Variants in PTGR2 observed in about 807,000 individuals in gnomAD.
PTGR2 encodes prostaglandin reductase 2.
In PTGR2, 32 loss-of-function variants were observed where a neutral mutation model predicts 43.4. The observed-to-expected ratio is 0.74, with a 90% confidence interval of 0.56 to 0.99. The LOEUF is 0.99. PTGR2 is among the 50% of genes least tolerant of loss of function. PTGR2 has a pLI of 0.00. For missense variants in PTGR2, 373 were observed against 420.0 expected (o/e 0.89, Z 0.98); for synonymous variants, 106 against 139.2 (o/e 0.76, Z 1.68).
chr14:73,870,022 G>A (rs1478952875), intron 3 of PTGR2, among the ~76,000 whole-genome samples: 4 of 129,664 alleles, frequency 3.1e-5, no homozygotes, highest in African/African-American at 5.5e-5. Flanking sequence ...CAGAGACTCC[G>A]TCTCAGAGAG....
At chr14:73,855,251 GTAC>G (rs2054318705) in intron 1 of PTGR2, among the ~76,000 whole-genome samples, 2 of 152,142 alleles carry the variant, frequency 1.3e-5, no homozygotes, top group African/African-American at 2.4e-5. Flanking sequence ...GGAATTGCCA[GTAC>G]TACTATTAGG....
In PTGR2 at chr14:73,884,126, A is replaced by C; in HGVS notation, c.1005A>C (p.Gly335=). The change falls in exon 10 of 10, where the codon GGA becomes GGC. Residue 335 remains glycine (G), a synonymous_variant. Transcript: ENST00000555661. The part of the protein sequence containing the change: ...MGAAFQSMMT[G]GNIGKQIVCI... Reference sequence around the variant, plus strand: ...CTGCATTCCAGTCCATGATGACAGGAGGTAACATTGGAAAGCAGATAGTTT... The same window carrying C: ...CTGCATTCCAGTCCATGATGACAGGCGGTAACATTGGAAAGCAGATAGTTT... The C allele has an allele frequency of 6.2e-7, 1 of 1,608,544 alleles. No individual in the cohort carries two copies. The highest frequency in any genetic ancestry group is 1.3e-5 in the African/African-American group (1 of 74,894).
rs756700132 is a variant in PTGR2 at position 73,877,019 on chromosome 14, G to T, written c.370G>T (p.Gly124Ter). 1 of 1,612,950 alleles carries T rather than the reference G, an allele frequency of 6.2e-7. No homozygotes were observed. Among genetic ancestry groups the T allele is most frequent in the South Asian group, 1.1e-5 (1 of 91,028 alleles). The change falls in exon 5 of 10, where the codon GGA (glycine) becomes TGA (stop). Residue 124 changes from glycine (G) to a stop codon, truncating the protein, a stop_gained. Transcript: ENST00000555661. LOFTEE classifies it high-confidence loss of function. The part of the protein sequence containing the change: ...LEKVDPQLVD[G>*]HLSYFLGAIG... ...TTAGGTAGACCCACAACTTGTGGAT[G>T]GACACCTTTCATATTTTCTTGGAGC... is the stretch of plus-strand genomic sequence containing the variant.
rs1335810178 is a variant in PTGR2, at chr14:73,877,175, T to C, written c.519+7T>C. The C allele has an allele frequency of 6.3e-7, 1 of 1,592,524 alleles. No individual in the cohort carries two copies. The highest frequency in any genetic ancestry group is 1.4e-5 in the African/African-American group (1 of 73,726). The stretch of plus-strand genomic sequence containing the variant: ...TGGATCTGTGGCTGGGCAGGTAAAC[T>C]TTCTGAGAATTATTTGATTTTCTGA... On this transcript the variant is annotated splice_region_variant and intron_variant, in intron 5 of 9. Transcript: ENST00000555661.
At chr14:73,860,423 C>T (rs1008836792) in intron 2 of PTGR2, 116 bp from the exon 3 acceptor site, 9 of 528,768 alleles carry the variant, frequency 1.7e-5, no homozygotes, top group African/African-American at 4.1e-5. Context: ...GCCGAGATCG[C>T]GCCACTGCAT....
intron 3 of PTGR2, among the ~76,000 whole-genome samples, chr14:73,865,691 A>G (rs2054583258): frequency 6.6e-6 from 1 of 150,620 alleles, no homozygotes; most frequent in Non-Finnish European, 1.5e-5. Context: ...ACCACACCTG[A>G]CCTAACTTCA....
Position 73,879,229 on chromosome 14 carries a change from G to A in PTGR2, c.653G>A (p.Arg218His), listed in dbSNP as rs758412951. The A allele has an allele frequency of 2.0e-5, 33 of 1,613,974 alleles. No homozygotes were observed. Among genetic ancestry groups the A allele is most frequent in the South Asian group, 3.3e-5 (3 of 91,074 alleles). Reference protein sequence around the residue: ...YKKDNVAEQLRESCPAGVDVY... With the variant: ...YKKDNVAEQLHESCPAGVDVY... ...AAAGACAATGTGGCAGAACAGCTCCGTGAATCATGCCCAGCTGGAGTGGAT... is the reference window on the plus strand; with the variant it reads ...AAAGACAATGTGGCAGAACAGCTCCATGAATCATGCCCAGCTGGAGTGGAT... Residue 218 changes from arginine (R) to histidine (H), a missense_variant, in exon 6 of 10, where the codon CGT becomes CAT. Transcript: ENST00000555661.
intron 5 of PTGR2, chr14:73,878,425 A>G (rs2054911517): frequency 6.6e-6 from 1 of 152,294 alleles, no homozygotes; most frequent in Admixed American, 6.5e-5. Flanking sequence ...TTTAACATTT[A>G]AACTACCTAT....
chr14:73,856,635 C>T (rs553217989), intron 1 of PTGR2, among the ~76,000 whole-genome samples: 1 of 152,280 alleles, frequency 6.6e-6, no homozygotes, highest in African/African-American at 2.4e-5. Context: ...TTCCAGTTGT[C>T]TGCAGCATTC....
intron 3 of PTGR2, 49 bp from the exon 4 acceptor site, chr14:73,873,974 G>A: frequency 7.2e-7 from 1 of 1,396,836 alleles, no homozygotes; most frequent in South Asian, 1.4e-5. Flanking sequence ...AATTAGTAGA[G>A]TGGTTTGACA....
intron 3 of PTGR2, among the ~76,000 whole-genome samples, chr14:73,868,319 C>A (rs917576952): frequency 7.2e-5 from 11 of 152,204 alleles, no homozygotes; most frequent in Non-Finnish European, 1.5e-4. Flanking sequence ...TAACCTGACT[C>A]CTTTACCTGT....
At chr14:73,878,587 C>T (rs889007859) in intron 5 of PTGR2, 3 of 401,854 alleles carry the variant, frequency 7.5e-6, no homozygotes, top group Non-Finnish European at 1.4e-5. Context: ...CGGCAACAAG[C>T]TGTAGCTCCT....
At chr14:73,884,036 C>A in intron 9 of PTGR2, 65 bp from the exon 10 acceptor site, 1 of 934,826 alleles carries the variant, frequency 1.1e-6, no homozygotes. Context: ...ATATGTTGTA[C>A]CTTTTGGAAA....
chr14:73,878,229 T>G (rs2054907463), intron 5 of PTGR2: 1 of 152,224 alleles, frequency 6.6e-6, no homozygotes, highest in Non-Finnish European at 1.5e-5. Flanking sequence ...ACAAACATTG[T>G]GTCCGAGCTG....
At chr14:73,867,357 A>G (rs2054627247) in intron 3 of PTGR2, among the ~76,000 whole-genome samples, 1 of 152,064 alleles carries the variant, frequency 6.6e-6, no homozygotes, top group African/African-American at 2.4e-5. Context: ...AATACCTTAT[A>G]ATAAATCTCT....
intron 2 of PTGR2, 113 bp downstream of exon 2, chr14:73,859,012 C>A: frequency 2.7e-6 from 2 of 751,030 alleles, no homozygotes; most frequent in Non-Finnish European, 4.4e-6. Context: ...AAGATATTGA[C>A]ACTAGTAAAG....
At chr14:73,862,855 G>C (rs982941145) in intron 3 of PTGR2, among the ~76,000 whole-genome samples, 1 of 151,772 alleles carries the variant, frequency 6.6e-6, no homozygotes. Flanking sequence ...CCACAGGTAT[G>C]CACCACCACA....
At chr14:73,855,737 C>T (rs892086869) in intron 1 of PTGR2, among the ~76,000 whole-genome samples, 8 of 150,798 alleles carry the variant, frequency 5.3e-5, no homozygotes, top group African/African-American at 9.7e-5. Flanking sequence ...TGAGCCACCA[C>T]GCCCGGAGTA....
intron 9 of PTGR2, among the ~76,000 whole-genome samples, chr14:73,883,872 A>G (rs923487733): frequency 1.3e-5 from 2 of 152,148 alleles, no homozygotes; most frequent in African/African-American, 2.4e-5. Flanking sequence ...CCAGTTAGAT[A>G]CCAATTAAAT....
Sources: allele counts gnomAD v4.1 joint callset (sites outside exome capture counted in the v4.1 genomes callset), GRCh38; gene constraint gnomAD v4.1.1; transcripts MANE v1.5; gene names NCBI Gene and HGNC (gene_info 2026-07-23, HGNC 2026-07-21).